The following DPY19L3 variants were observed in gnomAD, a reference collection of about 807,000 sequenced individuals.
The protein encoded by DPY19L3 is protein C-mannosyl-transferase DPY19L3.
DPY19L3 carries 51 observed loss-of-function variants against 92.3 expected under a neutral mutation model. That is an observed-to-expected ratio of 0.55 (90% CI 0.44 to 0.70). DPY19L3 has a LOEUF of 0.70. Ranked by LOEUF, DPY19L3 falls within the 30% of genes least tolerant of loss-of-function variation. The probability of loss-of-function intolerance (pLI) is 0.00; values close to 1 mark genes in which losing one functional copy is unlikely to be tolerated. For missense variants in DPY19L3, 706 were observed against 855.9 expected (o/e 0.82, Z 2.18); for synonymous variants, 309 against 315.2 (o/e 0.98, Z 0.21).
intron 4 of DPY19L3, among the ~76,000 whole-genome samples, chr19:32,436,191 TGTGGTG>T (rs369703625): frequency 1.3e-5 from 2 of 152,212 alleles, no homozygotes; most frequent in East Asian, 3.9e-4. Flanking sequence ...AGAAGGACCT[TGTGGTG>T]GTGGTGGTGG....
At chr19:32,463,774 C>T (rs1437624851) in intron 13 of DPY19L3, 95 bp from the exon 14 acceptor site, 8 of 1,087,914 alleles carry the variant, frequency 7.4e-6, no homozygotes, top group Middle Eastern at 2.1e-4. Context: ...AAGATTTTGC[C>T]GTCATAGACT....
intron 3 of DPY19L3, among the ~76,000 whole-genome samples, chr19:32,428,879 ACT>A (rs1170826760): frequency 2.0e-5 from 3 of 148,544 alleles, no homozygotes; most frequent in East Asian, 2.0e-4. Context: ...ACGGAGTCTC[ACT>A]CTGTCTCCCA....
At chr19:32,427,543 T>C (rs1225899868) in intron 3 of DPY19L3, among the ~76,000 whole-genome samples, 3 of 152,248 alleles carry the variant, frequency 2.0e-5, no homozygotes, top group Admixed American at 2.0e-4. Context: ...GCAAGGAGAC[T>C]TTAGAATAGA....
At position 32,454,963 on chromosome 19, in the gene DPY19L3, C is replaced by T; in HGVS notation, c.1012C>T (p.Leu338Phe). The change falls in exon 10 of 19, where the codon CTT becomes TTT. Residue 338 changes from leucine to phenylalanine, a missense_variant. Leu to Phe is a conservative substitution (Grantham distance 22). Coordinates refer to ENST00000392250, the MANE Select transcript of DPY19L3 (RefSeq NM_001172774.2). ...LQKNLKTGSF[L>F]NRLGKLLLHL... The stretch of plus-strand genomic sequence containing the variant: ...GAAAAATCTGAAAACTGGAAGCTTC[C>T]TTAATAGGCTTGGGAAACTTTTGTT... 1 of 1,567,914 alleles carries T rather than the reference C, an allele frequency of 6.4e-7. No individual in the cohort carries two copies. Among genetic ancestry groups the T allele is most frequent in the African/African-American group, 1.4e-5 (1 of 71,852 alleles).
At chr19:32,465,741 C>CA (rs920308357) in intron 15 of DPY19L3, among the ~76,000 whole-genome samples, 3 of 151,844 alleles carry the variant, frequency 2.0e-5, no homozygotes, top group Non-Finnish European at 4.4e-5. Flanking sequence ...GTAAATATTT[C>CA]AAAAAAATGT....
intron 8 of DPY19L3, among the ~76,000 whole-genome samples, chr19:32,447,968 GA>G (rs1298382859): frequency 6.6e-6 from 1 of 152,168 alleles, no homozygotes; most frequent in Non-Finnish European, 1.5e-5. Flanking sequence ...ATCTCAGGAA[GA>G]GTGGGAGGTG....
chr19:32,459,491 T>C (rs1969972319), intron 12 of DPY19L3, among the ~76,000 whole-genome samples: 1 of 152,222 alleles, frequency 6.6e-6, no homozygotes, highest in African/African-American at 2.4e-5. Flanking sequence ...CATGAAAATA[T>C]TTCATTGAAC....
chr19:32,437,069 G>A, intron 5 of DPY19L3, 125 bp from the exon 6 acceptor site: 3 of 1,142,368 alleles, frequency 2.6e-6, no homozygotes, highest in Non-Finnish European at 2.5e-6. Context: ...TGAAAGGGGT[G>A]TGGGCTTGCT....
At chr19:32,478,384 C>T (rs997542668) in intron 17 of DPY19L3, among the ~76,000 whole-genome samples, 1 of 152,174 alleles carries the variant, frequency 6.6e-6, no homozygotes, top group African/African-American at 2.4e-5. Context: ...AAGGAAAAGG[C>T]GTTGAGGCAT....
chr19:32,426,113 C>T (rs564183852), intron 3 of DPY19L3, among the ~76,000 whole-genome samples: 10 of 152,324 alleles, frequency 6.6e-5, no homozygotes, highest in African/African-American at 2.4e-4. Context: ...TTCAGCTTCA[C>T]CTTGCACTTG....
At chr19:32,466,717 C>A (rs1250273921) in intron 15 of DPY19L3, among the ~76,000 whole-genome samples, 2 of 152,228 alleles carry the variant, frequency 1.3e-5, no homozygotes, top group Non-Finnish European at 2.9e-5. Flanking sequence ...GAGTTAGTAT[C>A]CTGAGGAATC....
At chr19:32,420,264 G>A (rs1968524291) in intron 3 of DPY19L3, among the ~76,000 whole-genome samples, 1 of 152,116 alleles carries the variant, frequency 6.6e-6, no homozygotes, top group African/African-American at 2.4e-5. Context: ...TGCTGGGGCT[G>A]AGGGGTATGG....
At chr19:32,451,897 C>T (rs975743635) in intron 8 of DPY19L3, among the ~76,000 whole-genome samples, 9 of 152,052 alleles carry the variant, frequency 5.9e-5, no homozygotes, top group African/African-American at 1.4e-4. Context: ...TGGAGTGGAG[C>T]GATCATAGCT....
At chr19:32,464,623 G>C in intron 14 of DPY19L3, 105 bp from the exon 15 acceptor site, 1 of 633,218 alleles carries the variant, frequency 1.6e-6, no homozygotes, top group Non-Finnish European at 2.6e-6. Flanking sequence ...AATCACTTGA[G>C]CCCAAGAATT....
At chr19:32,417,069 C>T (rs1568325146) in intron 3 of DPY19L3, among the ~76,000 whole-genome samples, 2 of 152,244 alleles carry the variant, frequency 1.3e-5, no homozygotes, top group Non-Finnish European at 2.9e-5. Context: ...ACACTCTCAT[C>T]ACTTAGAAGT....
chr19:32,411,463 G>T (rs777093043), intron 3 of DPY19L3, 91 bp downstream of exon 3: 3 of 1,417,834 alleles, frequency 2.1e-6, no homozygotes, highest in Non-Finnish European at 1.9e-6. Context: ...ACACAGTTTT[G>T]CCATAAAGAA....
At chr19:32,464,361 G>A (rs1170352207) in intron 14 of DPY19L3, among the ~76,000 whole-genome samples, 1 of 152,066 alleles carries the variant, frequency 6.6e-6, no homozygotes, top group Non-Finnish European at 1.5e-5. Flanking sequence ...ATGCAGTTTT[G>A]AATTGTTCTA....
intron 3 of DPY19L3, among the ~76,000 whole-genome samples, chr19:32,430,945 A>T (rs746965959): frequency 3.2e-4 from 49 of 151,958 alleles, no homozygotes; most frequent in Admixed American, 9.8e-4. Context: ...TCTTTTAATG[A>T]GATGTTTATT....
chr19:32,428,219 A>G (rs1599608504), intron 3 of DPY19L3, among the ~76,000 whole-genome samples: 2 of 152,014 alleles, frequency 1.3e-5, no homozygotes, highest in South Asian at 2.1e-4. Flanking sequence ...TGATCTGCCC[A>G]CCTCGGCTTC....
Sources: gnomAD v4.1 joint callset for allele counts (sites outside exome capture counted in the v4.1 genomes callset) on GRCh38, gnomAD v4.1.1 for gene constraint, MANE v1.5 for transcripts, NCBI Gene and HGNC (gene_info 2026-07-23, HGNC 2026-07-21) for gene names.